The following DSC1 variants were observed in gnomAD, a reference collection of about 807,000 sequenced individuals.
DSC1 encodes the protein desmocollin-1.
Under a neutral mutation model 98.8 loss-of-function variants are expected in DSC1, and 79 were observed. The observed-to-expected ratio is 0.80, with a 90% CI of 0.67 to 0.96. The LOEUF (loss-of-function observed/expected upper bound fraction) is 0.96, where lower values mean the gene tolerates loss of function less well. Ranked by LOEUF, DSC1 falls within the 50% of genes least tolerant of loss-of-function variation. The pLI is 0.00. For synonymous variants in DSC1, 405 were observed against 372.1 expected, an observed-to-expected ratio of 1.09 and a Z score of -1.02; for missense variants, 1,115 against 1,075.9, an observed-to-expected ratio of 1.04 and a Z score of -0.51.
At chr18:31,139,198 AATTG>A (rs907320658) in intron 11 of DSC1, among the ~76,000 whole-genome samples, 5 of 152,102 alleles carry the variant, frequency 3.3e-5, no homozygotes, top group Non-Finnish European at 5.9e-5. Flanking sequence ...TTCTTTACAG[AATTG>A]ATTCTAAAAT....
chr18:31,138,118 G>A (rs958635052), intron 11 of DSC1, among the ~76,000 whole-genome samples: 2 of 151,714 alleles, frequency 1.3e-5, no homozygotes, highest in East Asian at 1.9e-4. Context: ...GGTTATCTAC[G>A]GCCCTGGAAT....
At chr18:31,147,063 C>A (rs576295393) in intron 6 of DSC1, among the ~76,000 whole-genome samples, 1 of 152,022 alleles carries the variant, frequency 6.6e-6, no homozygotes, top group Non-Finnish European at 1.5e-5. Context: ...ACTGTTCTTG[C>A]AACATTTTAA....
intron 1 of DSC1, among the ~76,000 whole-genome samples, chr18:31,160,100 A>T (rs1003660011): frequency 1.3e-5 from 2 of 152,200 alleles, no homozygotes; most frequent in Admixed American, 1.3e-4. Flanking sequence ...GACTAATCTA[A>T]AAAGAAATAT....
rs1389011223 is a variant in DSC1 at position 31,141,730 on chromosome 18, T to TA, written c.1260+268dup. 1.5e-4 allele frequency among the ~76,000 whole-genome samples: 23 copies of TA among 152,182 alleles called. 1 individual carries two copies. The highest frequency in any genetic ancestry group is 5.9e-4 in the Admixed American group (9 of 15,274). On this transcript the variant is annotated intron_variant, in intron 9 of 15. Coordinates refer to ENST00000257198, the MANE Select transcript of DSC1 (RefSeq NM_024421.2). ...ACAAGTAAGTGTCTAAGACCCCTTC[T>TA]AAAGCAAATATCTGGTTCAGTATTC...
chr18:31,158,157 C>G (rs1270230333), intron 2 of DSC1, among the ~76,000 whole-genome samples: 2 of 152,088 alleles, frequency 1.3e-5, no homozygotes. Context: ...ATTCCAGCGA[C>G]TCAGGAGGCT....
rs757313544 is a variant in DSC1, at chr18:31,145,593, T to C, written c.939+18A>G. The stretch of plus-strand genomic sequence containing the variant: ...TAAATGTAGTTCAATGACTAGATAG[T>C]TAATTAATCATCATTACTTCTCTAT... On this transcript the variant is annotated intron_variant, in intron 7 of 15. Coordinates refer to ENST00000257198, the MANE Select transcript of DSC1 (RefSeq NM_024421.2). The C allele has an allele frequency of 1.2e-6, 2 of 1,612,556 alleles. No homozygotes were observed. The highest frequency in any genetic ancestry group is 1.7e-6 in the Non-Finnish European group (2 of 1,178,820).
rs985155482 is a variant in DSC1, at chr18:31,133,929, G to A, written c.2078C>T (p.Ala693Val). Residue 693 changes from alanine to valine, a missense_variant, in exon 13 of 16, where the codon GCT (alanine) becomes GTT (valine). Transcript: ENST00000257198. Reference sequence around the variant, plus strand: ...AGAACCCAACACCATAGCAAGAATAGCCCATCTTCCAAGTATTACATTTGG... The same window carrying A: ...AGAACCCAACACCATAGCAAGAATAACCCATCTTCCAAGTATTACATTTGG... ...VRPNVILGRW[A>V]ILAMVLGSVL... 24 of 1,612,750 alleles carry A rather than the reference G, an allele frequency of 1.5e-5. No homozygotes were observed. The highest frequency in any genetic ancestry group is 2.0e-5 in the Non-Finnish European group (24 of 1,179,424).
At chr18:31,162,078 G>A (rs938886162) in intron 1 of DSC1, among the ~76,000 whole-genome samples, 1 of 152,102 alleles carries the variant, frequency 6.6e-6, no homozygotes, top group African/African-American at 2.4e-5. Flanking sequence ...AAACTGCTTC[G>A]TGGGTAAAAT....
chr18:31,145,367 T>C (rs893206958), intron 7 of DSC1, among the ~76,000 whole-genome samples: 13 of 152,182 alleles, frequency 8.5e-5, no homozygotes, highest in African/African-American at 3.1e-4. Context: ...ATAAAATAAA[T>C]GTAAAGCAAT....
chr18:31,154,697 G>C, intron 5 of DSC1, 77 bp downstream of exon 5: 1 of 1,235,642 alleles, frequency 8.1e-7, no homozygotes, highest in Non-Finnish European at 1.1e-6. Context: ...CTTATAATAT[G>C]TAAACAAGCA....
At position 31,154,769 on chromosome 18, in the gene DSC1, C is replaced by A; in HGVS notation, c.627+5G>T. The stretch of plus-strand genomic sequence containing the variant: ...AATTATGAATAAATATTTCAATAAT[C>A]CTACCGCAAACTGTTCATATTTCTC... On this transcript the variant is annotated splice_donor_5th_base_variant and intron_variant, in intron 5 of 15. Coordinates refer to ENST00000257198, the MANE Select transcript of DSC1 (RefSeq NM_024421.2). 6.3e-7 allele frequency: 1 copy of A among 1,596,342 alleles called. No homozygotes were observed. The highest frequency in any genetic ancestry group is 8.5e-7 in the Non-Finnish European group (1 of 1,171,942).
intron 8 of DSC1, among the ~76,000 whole-genome samples, chr18:31,142,874 A>G (rs1479370290): frequency 6.6e-6 from 1 of 152,008 alleles, no homozygotes; most frequent in African/African-American, 2.4e-5. Context: ...TTAGTATGAG[A>G]TCTTGACTTA....
rs1347922162 is a variant in DSC1, at chr18:31,162,533, A to G, written c.62T>C (p.Leu21Pro). The stretch of plus-strand genomic sequence containing the variant: ...CCTAATCCTTTGGTTGTTACTCACC[A>G]GGAGAGAGAAAAGGAGCTGCTTACA... ...IFCKQLLFSLLVLTLLCDACQ... is the reference protein window; with the variant it reads ...IFCKQLLFSLPVLTLLCDACQ... Residue 21 changes from leucine (L) to proline (P), a missense_variant and splice_region_variant, in exon 1 of 16, where the codon CTG becomes CCG. Physicochemically the swap from Leu to Pro is moderately conservative, Grantham distance 98 (BLOSUM62 -3). Transcript: ENST00000257198. 6.2e-7 allele frequency: 1 copy of G among 1,614,014 alleles called. No individual in the cohort carries two copies. Among genetic ancestry groups the G allele is most frequent in the Non-Finnish European group, 8.5e-7 (1 of 1,179,972 alleles).
chr18:31,131,630 C>T lies in DSC1; in HGVS notation c.2451G>A (p.Thr817=), dbSNP rs757001906. 36 of 1,613,932 alleles carry T rather than the reference C, an allele frequency of 2.2e-5. No individual in the cohort carries two copies. Among genetic ancestry groups the T allele is most frequent in the Non-Finnish European group, 2.5e-5 (30 of 1,179,970 alleles). The change falls in exon 15 of 16, where the codon ACG becomes ACA. Residue 817 remains threonine (T), a synonymous_variant. Transcript: ENST00000257198. ...GAGGTTGGGTGAAACTCTGCCAGTC[C>T]GTGTACGCATATCTGCCAGTATCTC... ...GQGDTGRYAY[T]DWQSFTQPRL...
At chr18:31,150,483 C>T (rs1988978460) in intron 5 of DSC1, among the ~76,000 whole-genome samples, 1 of 129,774 alleles carries the variant, frequency 7.7e-6, no homozygotes, top group African/African-American at 2.7e-5. Flanking sequence ...GCATCATCAT[C>T]AGCACCATCA....
At chr18:31,147,569 T>C (rs964880684) in intron 6 of DSC1, among the ~76,000 whole-genome samples, 34 of 152,136 alleles carry the variant, frequency 2.2e-4, no homozygotes, top group African/African-American at 8.2e-4. Context: ...ATGTTCTACA[T>C]AATTGTGTTT....
intron 2 of DSC1, among the ~76,000 whole-genome samples, chr18:31,157,913 G>A (rs1189183298): frequency 6.6e-6 from 1 of 151,994 alleles, no homozygotes; most frequent in African/African-American, 2.4e-5. Context: ...GTCATAAGTG[G>A]TATAACCGTA....
In DSC1 at chr18:31,130,425, A is replaced by G. The variant is rs559859359; in HGVS notation, c.*89T>C. ...TACATGACAAAGTTTACCTCCATAA[A>G]CAAAAACATTAGCAGATGCTGCTAA... On this transcript the variant is annotated 3_prime_UTR_variant, in exon 16 of 16. Coordinates refer to ENST00000257198, the MANE Select transcript of DSC1 (RefSeq NM_024421.2). The G allele has an allele frequency of 2.7e-5, 40 of 1,474,582 alleles. 1 individual carries two copies. Among genetic ancestry groups the G allele is most frequent in the South Asian group, 2.4e-4 (19 of 80,064 alleles). 91.3% of individuals were successfully genotyped at this position (1,474,582 alleles called of 1,614,324 possible).
intron 6 of DSC1, among the ~76,000 whole-genome samples, chr18:31,146,947 T>C (rs911013669): frequency 1.3e-5 from 2 of 152,312 alleles, no homozygotes; most frequent in South Asian, 2.1e-4. Context: ...AGCTTCATAG[T>C]CCAGACATGA....
Sources: allele counts gnomAD v4.1 joint callset (sites outside exome capture counted in the v4.1 genomes callset), GRCh38; gene constraint gnomAD v4.1.1; transcripts MANE v1.5; gene names NCBI Gene and HGNC (gene_info 2026-07-23, HGNC 2026-07-21).